The following CFAP58 variants were observed in gnomAD, a reference collection of about 807,000 sequenced individuals.
The protein encoded by CFAP58 is cilia and flagella associated protein 58, also known as cilia- and flagella-associated protein 58.
In CFAP58, 88 loss-of-function variants were observed where a neutral mutation model predicts 119.5. That is an observed-to-expected ratio of 0.74 (90% confidence interval 0.62 to 0.88). The LOEUF is 0.88. Among genes scored for constraint, CFAP58 ranks in the 40% least tolerant of loss-of-function variants. The probability of loss-of-function intolerance (pLI) is 0.00; values close to 1 mark genes in which losing one functional copy is unlikely to be tolerated. For missense variants in CFAP58, 990 were observed against 1,021.2 expected (o/e 0.97, Z 0.42); for synonymous variants, 365 against 366.3 (o/e 1.00, Z 0.04).
chr10:104,452,894 T>G (rs1474494180), intron 17 of CFAP58, among the ~76,000 whole-genome samples: 1 of 152,104 alleles, frequency 6.6e-6, no homozygotes, highest in African/African-American at 2.4e-5. Flanking sequence ...TGGGGATCCA[T>G]AAACTGGTAG....
intron 17 of CFAP58, among the ~76,000 whole-genome samples, chr10:104,450,915 G>C (rs921306466): frequency 2.0e-5 from 3 of 152,062 alleles, no homozygotes; most frequent in Admixed American, 6.6e-5. Flanking sequence ...AGCATCTGCT[G>C]TGGAGGGTTG....
Position 104,392,316 on chromosome 10 carries a change from A to G in CFAP58, c.1449A>G (p.Lys483=). The G allele has an allele frequency of 6.2e-7, 1 of 1,613,264 alleles. No homozygotes were observed. Among genetic ancestry groups the G allele is most frequent in the Non-Finnish European group, 8.5e-7 (1 of 1,179,688 alleles). ...YRKKIAESEI[K]LKQQQNLYEA... is the part of the protein sequence containing the mutation. The stretch of plus-strand genomic sequence containing the variant: ...AAAAAATAGCTGAATCAGAGATTAA[A>G]TTAAAACAGCAACAGAACCTATATG... The change falls in exon 10 of 18, where the codon AAA becomes AAG. Residue 483 remains lysine, a synonymous_variant. Coordinates refer to ENST00000369704, the MANE Select transcript of CFAP58 (RefSeq NM_001008723.2).
chr10:104,378,137 A>G (rs1465043636), intron 8 of CFAP58, among the ~76,000 whole-genome samples: 1 of 152,094 alleles, frequency 6.6e-6, no homozygotes, highest in Admixed American at 6.5e-5. Context: ...TGGCCTTTGT[A>G]TTCTTAGTGC....
chr10:104,393,555 C>A, intron 11 of CFAP58, 80 bp downstream of exon 11: 1 of 1,409,470 alleles, frequency 7.1e-7, no homozygotes, highest in Non-Finnish European at 9.6e-7. Flanking sequence ...TGAAGGCAGC[C>A]AGGGGCAGGG....
intron 9 of CFAP58, among the ~76,000 whole-genome samples, chr10:104,387,561 C>T: frequency 6.6e-6 from 1 of 152,158 alleles, no homozygotes; most frequent in East Asian, 1.9e-4. Context: ...AGATAATCTA[C>T]CCCAGGATTA....
At chr10:104,449,631 T>C (rs946014293) in intron 16 of CFAP58, among the ~76,000 whole-genome samples, 2 of 152,206 alleles carry the variant, frequency 1.3e-5, no homozygotes, top group African/African-American at 4.8e-5. Flanking sequence ...GCAGGATGAC[T>C]TCAGAATAAT....
At chr10:104,373,123 A>G (rs539436511) in intron 7 of CFAP58, among the ~76,000 whole-genome samples, 26 of 152,274 alleles carry the variant, frequency 1.7e-4, no homozygotes, top group African/African-American at 6.3e-4. Context: ...AATTCTCTTC[A>G]CAACAGCAAC....
intron 15 of CFAP58, among the ~76,000 whole-genome samples, chr10:104,421,006 G>A (rs145408645): frequency 8.4e-4 from 128 of 152,150 alleles, no homozygotes; most frequent in African/African-American, 3.0e-3. Flanking sequence ...ACCAACCTTG[G>A]CCTGCCAAAG....
intron 15 of CFAP58, among the ~76,000 whole-genome samples, chr10:104,425,369 T>C (rs1172173207): frequency 6.6e-6 from 1 of 152,102 alleles, no homozygotes. Context: ...GCTGGCTATT[T>C]TGTTTTGGAG....
Position 104,365,936 on chromosome 10 carries a change from A to G in CFAP58, c.720A>G (p.Lys240=). 6.2e-7 allele frequency: 1 copy of G among 1,613,578 alleles called. No individual in the cohort carries two copies. The highest frequency in any genetic ancestry group is 8.5e-7 in the Non-Finnish European group (1 of 1,179,766). ...TGGACAGCAGGCAGACAGAAATAAA[A>G]GCCCTGCAGCAGTATGTGCAGAAGA... ...ADMDSRQTEI[K]ALQQYVQKSK... Residue 240 remains lysine (K), a synonymous_variant, in exon 5 of 18, where the codon AAA becomes AAG. Coordinates refer to ENST00000369704, the MANE Select transcript of CFAP58 (RefSeq NM_001008723.2).
Position 104,357,966 on chromosome 10 carries a change from T to TACACATATATAC in CFAP58, c.10-367_10-366insATACACACATAT, listed in dbSNP as rs1564876196. On this transcript the variant is annotated intron_variant, in intron 1 of 17. Coordinates refer to ENST00000369704, the MANE Select transcript of CFAP58 (RefSeq NM_001008723.2). ...ATGTACACATATATACACATATATG[T>TACACATATATAC]ACACATATGTACATATGTACACATA... 4.3e-3 allele frequency among the ~76,000 whole-genome samples: 448 copies of TACACATATATAC among 103,062 alleles called. 15 individuals carry two copies. The highest frequency in any genetic ancestry group is 0.029 in the African/African-American group (418 of 14,296). 67.6% of individuals were successfully genotyped at this position (103,062 alleles called of 152,430 possible).
the CFAP58 span, among the ~76,000 whole-genome samples, chr10:104,342,194 A>T: frequency 1.3e-5 from 2 of 152,194 alleles, no homozygotes; most frequent in African/African-American, 4.8e-5. Context: ...CTCCAAAGAG[A>T]TCTCACCAAT....
chr10:104,399,356 T>C lies in CFAP58; in HGVS notation c.1675-4T>C, dbSNP rs1589922142. On this transcript the variant is annotated splice_polypyrimidine_tract_variant and splice_region_variant and intron_variant, in intron 11 of 17. Coordinates refer to ENST00000369704, the MANE Select transcript of CFAP58 (RefSeq NM_001008723.2). Reference sequence around the variant, plus strand: ...ATTTGCCTGTATCTTCCACTCTTTGTCAGGCTGAGCTGCAGAAGCTGAGAC... The same window carrying C: ...ATTTGCCTGTATCTTCCACTCTTTGCCAGGCTGAGCTGCAGAAGCTGAGAC... The C allele has an allele frequency of 6.2e-7, 1 of 1,613,408 alleles. No individual in the cohort carries two copies. Among genetic ancestry groups the C allele is most frequent in the Non-Finnish European group, 8.5e-7 (1 of 1,179,644 alleles).
At chr10:104,383,768 A>ACACACACACACG (rs1554917582) in intron 9 of CFAP58, among the ~76,000 whole-genome samples, 4 of 151,718 alleles carry the variant, frequency 2.6e-5, no homozygotes, top group Admixed American at 2.0e-4. Context: ...ACACACACAC[A>ACACACACACACG]CACACACACA....
intron 6 of CFAP58, among the ~76,000 whole-genome samples, 188 bp from the exon 7 acceptor site, chr10:104,370,705 CAT>C (rs1291989213): frequency 6.6e-6 from 1 of 152,160 alleles, no homozygotes; most frequent in African/African-American, 2.4e-5. Context: ...AACATAACCA[CAT>C]ATTTTATTCA....
intron 15 of CFAP58, among the ~76,000 whole-genome samples, chr10:104,437,479 A>C (rs2012953490): frequency 6.6e-6 from 1 of 152,246 alleles, no homozygotes; most frequent in Non-Finnish European, 1.5e-5. Context: ...AGAATTGTTT[A>C]ATATTTTTAA....
At chr10:104,366,535 A>T (rs900309821) in intron 5 of CFAP58, among the ~76,000 whole-genome samples, 3 of 152,226 alleles carry the variant, frequency 2.0e-5, no homozygotes, top group Non-Finnish European at 4.4e-5. Flanking sequence ...TCTGTTTGTG[A>T]GATATATTCA....
At chr10:104,367,024 A>G (rs1034383268) in intron 5 of CFAP58, among the ~76,000 whole-genome samples, 6 of 151,694 alleles carry the variant, frequency 4.0e-5, no homozygotes, top group Non-Finnish European at 5.9e-5. Flanking sequence ...ATGCCTGGCT[A>G]ATTTTTATAT....
At chr10:104,385,433 A>C (rs538638982) in intron 9 of CFAP58, among the ~76,000 whole-genome samples, 1 of 152,186 alleles carries the variant, frequency 6.6e-6, no homozygotes, top group Non-Finnish European at 1.5e-5. Context: ...ATAAGAATCA[A>C]TTGTATAAAA....
Sources: allele counts gnomAD v4.1 joint callset (sites outside exome capture counted in the v4.1 genomes callset), GRCh38; gene constraint gnomAD v4.1.1; transcripts MANE v1.5; gene names NCBI Gene and HGNC (gene_info 2026-07-23, HGNC 2026-07-21).